The following DDX4 variants were observed in gnomAD, a reference collection of about 807,000 sequenced individuals.
DDX4 encodes the protein probable ATP-dependent RNA helicase DDX4.
In DDX4, 25 loss-of-function variants were observed where a neutral mutation model predicts 100.0. The observed-to-expected ratio is 0.25, with a 90% CI of 0.18 to 0.35. The LOEUF (loss-of-function observed/expected upper bound fraction) is 0.35, where lower values mean the gene tolerates loss of function less well. Among genes scored for constraint, DDX4 ranks in the 10% least tolerant of loss-of-function variants. The probability of loss-of-function intolerance (pLI) is 1.00; values close to 1 mark genes in which losing one functional copy is unlikely to be tolerated. For synonymous variants in DDX4, 259 were observed against 275.7 expected (o/e 0.94, Z 0.60); for missense variants, 635 against 882.4 (o/e 0.72, Z 3.55).
chr5:55,812,171 T>G (rs1222286990), intron 18 of DDX4, among the ~76,000 whole-genome samples: 1 of 152,226 alleles, frequency 6.6e-6, no homozygotes, highest in Non-Finnish European at 1.5e-5. Flanking sequence ...TCTGAGATTT[T>G]AGGAATATTT....
chr5:55,807,438 C>G, intron 18 of DDX4, among the ~76,000 whole-genome samples: 1 of 152,298 alleles, frequency 6.6e-6, no homozygotes, highest in Middle Eastern at 3.4e-3. Context: ...TACAATTTGG[C>G]ATGTTTTTGC....
chr5:55,784,724 C>T (rs1742141543), intron 10 of DDX4, among the ~76,000 whole-genome samples: 1 of 152,186 alleles, frequency 6.6e-6, no homozygotes, highest in Non-Finnish European at 1.5e-5. Context: ...ACCCTGGGTA[C>T]TGAGTCTCTA....
chr5:55,772,501 T>C (rs1232359843), intron 7 of DDX4, among the ~76,000 whole-genome samples: 1 of 152,228 alleles, frequency 6.6e-6, no homozygotes, highest in Non-Finnish European at 1.5e-5. Context: ...TCTGGCATTG[T>C]AAGTCTTTCA....
At chr5:55,764,544 T>G (rs541101033) in intron 6 of DDX4, among the ~76,000 whole-genome samples, 1 of 152,258 alleles carries the variant, frequency 6.6e-6, no homozygotes, top group South Asian at 2.1e-4. Context: ...TACCAGAAGA[T>G]GGACTACGAT....
intron 3 of DDX4, among the ~76,000 whole-genome samples, chr5:55,751,809 AT>A (rs1460601048): frequency 1.3e-5 from 2 of 152,122 alleles, no homozygotes; most frequent in African/African-American, 2.4e-5. Flanking sequence ...TTATTAAATA[AT>A]TTTTTTGCTT....
intron 15 of DDX4, 41 bp downstream of exon 15, chr5:55,788,041 T>G (rs755791527): frequency 6.5e-7 from 1 of 1,533,186 alleles, no homozygotes; most frequent in Admixed American, 2.1e-5. Context: ...AGTTTTTTCT[T>G]TAGAGATTTT....
At chr5:55,812,601 A>G (rs1015334989) in intron 18 of DDX4, among the ~76,000 whole-genome samples, 62 of 152,290 alleles carry the variant, frequency 4.1e-4, no homozygotes, top group African/African-American at 1.3e-3. Context: ...TCAAAAAAAA[A>G]AAAATGCATT....
rs73131148 is a variant in DDX4 at position 55,783,595 on chromosome 5, G to T, written c.625+1614G>T. ...TCCTTGGCTAGTGTATATTAGTTAG[G>T]GTTCTCCACAAAGACAGACCAAAAG... On this transcript the variant is annotated intron_variant, in intron 10 of 21. Transcript: ENST00000505374. Among the ~76,000 whole-genome samples, 1,445 of 152,020 alleles carry T rather than the reference G, an allele frequency of 9.5e-3. 28 individuals are homozygous for T. The highest frequency in any genetic ancestry group is 0.033 in the African/African-American group (1,376 of 41,442).
intron 7 of DDX4, among the ~76,000 whole-genome samples, chr5:55,771,260 T>TGGCACCTCAAAAGG (rs1227402426): frequency 6.6e-6 from 1 of 152,172 alleles, no homozygotes; most frequent in African/African-American, 2.4e-5. Context: ...TACAAATTAC[T>TGGCACCTCAAAAGG]GGCACCTCAA....
At chr5:55,794,269 C>T (rs1742774161) in intron 17 of DDX4, among the ~76,000 whole-genome samples, 1 of 150,592 alleles carries the variant, frequency 6.6e-6, no homozygotes. Flanking sequence ...CTCACTGCAA[C>T]CTCAATCTCC....
At chr5:55,748,843 A>G (rs529811115) in intron 3 of DDX4, among the ~76,000 whole-genome samples, 64 of 152,332 alleles carry the variant, frequency 4.2e-4, no homozygotes, top group African/African-American at 1.3e-3. Context: ...TCCCACATAC[A>G]TGATCGTATG....
intron 10 of DDX4, among the ~76,000 whole-genome samples, chr5:55,782,678 GA>G (rs1741995606): frequency 6.6e-6 from 1 of 152,048 alleles, no homozygotes; most frequent in African/African-American, 2.4e-5. Context: ...GTTAAAGACA[GA>G]TATAATATGT....
In DDX4 at chr5:55,797,886, A is replaced by G. The variant is rs1378663788; in HGVS notation, c.1470-540A>G. Among the ~76,000 whole-genome samples, 4 of 152,330 alleles carry G rather than the reference A, an allele frequency of 2.6e-5. No homozygotes were observed. The East Asian group carries it at 7.7e-4, about 29-fold the overall frequency. On this transcript the variant is annotated intron_variant, in intron 17 of 21. Coordinates refer to ENST00000505374, the MANE Select transcript of DDX4 (RefSeq NM_024415.3). ...CTCACTTGTTTTGCCCAATTGTGCT[A>G]TGCAAATACTACTTTCTATGTGTGT...
intron 2 of DDX4, among the ~76,000 whole-genome samples, chr5:55,741,571 T>G (rs1199068737): frequency 2.0e-5 from 3 of 152,174 alleles, no homozygotes; most frequent in Admixed American, 6.5e-5. Context: ...CCAGATCACT[T>G]GAGGCCAGGA....
At chr5:55,804,552 T>G (rs541601277) in intron 18 of DDX4, among the ~76,000 whole-genome samples, 224 of 152,332 alleles carry the variant, frequency 1.5e-3, no homozygotes, top group African/African-American at 4.7e-3. Flanking sequence ...GCTAGCCAGT[T>G]TTCCCAGCAC....
intron 3 of DDX4, among the ~76,000 whole-genome samples, chr5:55,749,579 A>G (rs541941518): frequency 6.6e-6 from 1 of 152,264 alleles, no homozygotes; most frequent in Admixed American, 6.5e-5. Flanking sequence ...TTTGTTTGGG[A>G]GAGCAGGATC....
chr5:55,767,976 A>T (rs1238086569), intron 7 of DDX4, 36 bp downstream of exon 7: 1 of 1,574,994 alleles, frequency 6.3e-7, no homozygotes, highest in Non-Finnish European at 8.7e-7. Flanking sequence ...TGTACTTAAC[A>T]CAGAGACACT....
intron 8 of DDX4, among the ~76,000 whole-genome samples, 163 bp from the exon 9 acceptor site, chr5:55,780,880 GGTTTAATAGAATAGTTTAACTTA>G (rs1433025289): frequency 5.9e-5 from 9 of 152,198 alleles, no homozygotes; most frequent in African/African-American, 1.4e-4. Context: ...AGTTTAACTT[GGTTTAATAGAATAGTTTAACTTA>G]GTTTAATAGA....
At chr5:55,784,100 T>C (rs1479898103) in intron 10 of DDX4, among the ~76,000 whole-genome samples, 1 of 152,164 alleles carries the variant, frequency 6.6e-6, no homozygotes, top group Non-Finnish European at 1.5e-5. Flanking sequence ...TTTGGTTTTC[T>C]GTCCTTGTGA....
Sources: gnomAD v4.1 joint callset for allele counts (sites outside exome capture counted in the v4.1 genomes callset) on GRCh38, gnomAD v4.1.1 for gene constraint, MANE v1.5 for transcripts, NCBI Gene and HGNC (gene_info 2026-07-23, HGNC 2026-07-21) for gene names.